TMEFF1: variants seen among roughly 807,000 people sequenced by gnomAD.
The protein encoded by TMEFF1 is transmembrane protein with EGF like and two follistatin like domains 1, also known as tomoregulin-1.
A neutral mutation model predicts 47.5 loss-of-function variants in TMEFF1; 20 were observed. The ratio of observed to expected loss-of-function variants is 0.42; its 90% CI spans 0.30 to 0.61. The LOEUF is 0.61. Ranked by LOEUF, TMEFF1 falls within the 20% of genes least tolerant of loss-of-function variation. The pLI is 0.19. For missense variants in TMEFF1, 411 were observed against 471.1 expected (o/e 0.87, Z 1.18); for synonymous variants, 162 against 166.3 (o/e 0.97, Z 0.20).
At chr9:100,572,454 G>A in intron 8 of TMEFF1, 64 bp from the exon 9 acceptor site, 1 of 1,430,420 alleles carries the variant, frequency 7.0e-7, no homozygotes, top group South Asian at 1.7e-5. Flanking sequence ...ATTTTTTAAT[G>A]TAAAAGCTTG....
intron 5 of TMEFF1, among the ~76,000 whole-genome samples, chr9:100,526,985 A>G (rs1328499489): frequency 2.4e-4 from 35 of 143,934 alleles, no homozygotes; most frequent in African/African-American, 3.3e-4. Flanking sequence ...AAAAAAAGGG[A>G]AAAAAAAATT....
chr9:100,531,938 A>G (rs898888069), intron 5 of TMEFF1, among the ~76,000 whole-genome samples: 9 of 150,374 alleles, frequency 6.0e-5, no homozygotes, highest in African/African-American at 9.7e-5. Flanking sequence ...ATAACGCCGC[A>G]TATCTACAAC....
intron 1 of TMEFF1, among the ~76,000 whole-genome samples, chr9:100,482,791 T>A (rs1164263805): frequency 6.6e-6 from 1 of 152,182 alleles, no homozygotes; most frequent in Non-Finnish European, 1.5e-5. Flanking sequence ...TGGGAGACCT[T>A]ATTTCTCCAG....
At chr9:100,513,238 A>G (rs934749914) in intron 3 of TMEFF1, 69 bp from the exon 4 acceptor site, 1 of 1,569,476 alleles carries the variant, frequency 6.4e-7, no homozygotes, top group African/African-American at 1.4e-5. Flanking sequence ...TTGATAGGAA[A>G]TTTTATTATT....
intron 5 of TMEFF1, among the ~76,000 whole-genome samples, chr9:100,543,704 A>AACACAC (rs36046142): frequency 0.046 from 6,321 of 138,854 alleles, 219 homozygotes; most frequent in African/African-American, 0.094. Context: ...GATGAAGTAA[A>AACACAC]ACACACACAC....
intron 5 of TMEFF1, among the ~76,000 whole-genome samples, chr9:100,533,119 G>A (rs1440827945): frequency 6.6e-6 from 1 of 150,406 alleles, no homozygotes; most frequent in Non-Finnish European, 1.5e-5. Context: ...GGATAGCATT[G>A]GGAGATATAC....
At chr9:100,527,225 C>T (rs150204271) in intron 5 of TMEFF1, among the ~76,000 whole-genome samples, 177 of 152,114 alleles carry the variant, frequency 1.2e-3, no homozygotes, top group Admixed American at 2.2e-3. Context: ...TGCCTGGATC[C>T]GGAGGGGAGG....
chr9:100,555,614 G>T (rs952780135), intron 7 of TMEFF1, among the ~76,000 whole-genome samples: 3 of 152,108 alleles, frequency 2.0e-5, no homozygotes, highest in African/African-American at 7.2e-5. Flanking sequence ...TACTACCTAA[G>T]ATCACTATGA....
At chr9:100,539,057 C>A (rs1403064235) in intron 5 of TMEFF1, among the ~76,000 whole-genome samples, 1 of 152,134 alleles carries the variant, frequency 6.6e-6, no homozygotes, top group African/African-American at 2.4e-5. Flanking sequence ...CAGGTGCCTA[C>A]CACCATGCCC....
intron 1 of TMEFF1, among the ~76,000 whole-genome samples, chr9:100,488,041 A>G (rs550273304): frequency 9.9e-5 from 15 of 152,172 alleles, no homozygotes; most frequent in Non-Finnish European, 1.5e-4. Context: ...TTAGTGTTGC[A>G]GACACTAAGG....
intron 7 of TMEFF1, among the ~76,000 whole-genome samples, chr9:100,554,053 A>G (rs766597252): frequency 2.6e-5 from 4 of 152,178 alleles, no homozygotes; most frequent in Non-Finnish European, 5.9e-5. Flanking sequence ...ATTATTATGA[A>G]GACATTCTCA....
At chr9:100,568,859 G>A (rs12005789) in intron 8 of TMEFF1, among the ~76,000 whole-genome samples, 11,917 of 152,048 alleles carry the variant, frequency 0.078, 532 homozygotes, top group South Asian at 0.14. Flanking sequence ...TTAACTTAGC[G>A]TAATATTTTC....
At position 100,519,390 on chromosome 9, in the gene TMEFF1, G is replaced by A. The variant is rs368231822; in HGVS notation, c.560+2619G>A. Among the ~76,000 whole-genome samples the A allele has an allele frequency of 1.2e-4, 18 of 151,698 alleles. No homozygotes were observed. The East Asian group carries it at 3.5e-3, about 29-fold the overall frequency. ...GCCACTGTACTCCAGCCTGGCGATG[G>A]AGTGAGACTCCATCTCAAAAGACTA... On this transcript the variant is annotated intron_variant, in intron 5 of 9. Coordinates refer to ENST00000374879, the MANE Select transcript of TMEFF1 (RefSeq NM_003692.5).
In TMEFF1 at chr9:100,553,392, A is replaced by T. The variant is rs375915578; in HGVS notation, c.775+3232A>T. Among the ~76,000 whole-genome samples the T allele has an allele frequency of 2.6e-5, 4 of 152,312 alleles. No individual in the cohort carries two copies. In the East Asian group the frequency reaches 7.7e-4, roughly 29 times the overall value. On this transcript the variant is annotated intron_variant, in intron 7 of 9. Transcript: ENST00000374879. Reference sequence around the variant, plus strand: ...CTGCAACACACAGCCAAGATTGGGTAGGTAAGGCAGTGATCTGGGGATGGA... The same window carrying T: ...CTGCAACACACAGCCAAGATTGGGTTGGTAAGGCAGTGATCTGGGGATGGA...
intron 3 of TMEFF1, among the ~76,000 whole-genome samples, chr9:100,512,593 A>C (rs772760692): frequency 6.6e-6 from 1 of 152,134 alleles, no homozygotes; most frequent in Non-Finnish European, 1.5e-5. Context: ...CCTCTTTTCA[A>C]CATGTTCTGT....
At chr9:100,526,930 T>C (rs763817153) in intron 5 of TMEFF1, among the ~76,000 whole-genome samples, 32 of 111,358 alleles carry the variant, frequency 2.9e-4, no homozygotes, top group Non-Finnish European at 5.0e-4. Flanking sequence ...GGCAACATGG[T>C]GAAACCCTGT....
chr9:100,484,568 C>T (rs895139478), intron 1 of TMEFF1, among the ~76,000 whole-genome samples: 31 of 152,066 alleles, frequency 2.0e-4, no homozygotes, highest in African/African-American at 6.8e-4. Context: ...ATCCGCCTGC[C>T]TTGGCCTCCC....
In TMEFF1 at chr9:100,503,285, T is replaced by C. The variant is rs191283075; in HGVS notation, c.306+4411T>C. Among the ~76,000 whole-genome samples, 24 of 152,220 alleles carry C rather than the reference T, an allele frequency of 1.6e-4. No homozygotes were observed. The East Asian group carries it at 4.6e-3, about 29-fold the overall frequency. On this transcript the variant is annotated intron_variant, in intron 2 of 9. Coordinates refer to ENST00000374879, the MANE Select transcript of TMEFF1 (RefSeq NM_003692.5). ...AGTCTGCTAATAAGAGCTATTATCTTGCCACACATATAAACAAAGCCACTT... is the reference window on the plus strand; with the variant it reads ...AGTCTGCTAATAAGAGCTATTATCTCGCCACACATATAAACAAAGCCACTT...
chr9:100,547,343 A>G (rs1431758222), intron 5 of TMEFF1, among the ~76,000 whole-genome samples: 1 of 152,160 alleles, frequency 6.6e-6, no homozygotes, highest in African/African-American at 2.4e-5. Flanking sequence ...TTTACTGATC[A>G]GTAAACTAAG....
Sources: gnomAD v4.1 joint callset for allele counts (sites outside exome capture counted in the v4.1 genomes callset) on GRCh38, gnomAD v4.1.1 for gene constraint, MANE v1.5 for transcripts, NCBI Gene and HGNC (gene_info 2026-07-23, HGNC 2026-07-21) for gene names.